The following PCCB variants were observed in gnomAD, a reference collection of about 807,000 sequenced individuals.
PCCB encodes propionyl-CoA carboxylase subunit beta, also known as propionyl-CoA carboxylase beta chain, mitochondrial.
In PCCB, 43 loss-of-function variants were observed where a neutral mutation model predicts 60.7. That is an observed-to-expected ratio of 0.71 (90% CI 0.55 to 0.91). The LOEUF is 0.91. PCCB is among the 40% of genes least tolerant of loss of function. The pLI, the probability that PCCB is intolerant of heterozygous loss-of-function variation, is 0.00. For missense variants in PCCB, 766 were observed against 702.8 expected, an observed-to-expected ratio of 1.09 and a Z score of -1.02; for synonymous variants, 276 against 255.9, an observed-to-expected ratio of 1.08 and a Z score of -0.75.
At chr3:136,317,748 TCAA>T (rs1200095316) in intron 10 of PCCB, among the ~76,000 whole-genome samples, 3 of 152,112 alleles carry the variant, frequency 2.0e-5, no homozygotes, top group Non-Finnish European at 4.4e-5. Flanking sequence ...TCCAGTGCCT[TCAA>T]CAGTGCCAGG....
rs575745156 is a variant in PCCB, at chr3:136,327,801, A to G, written c.1398+69A>G. On this transcript the variant is annotated intron_variant, in intron 13 of 14. Coordinates refer to ENST00000251654, the MANE Select transcript of PCCB (RefSeq NM_000532.5). Reference sequence around the variant, plus strand: ...CTCTACCAGCGAGAGCTCAAGGCATAGCTGGGAAATGTTGGAGAGAGGCCA... The same window carrying G: ...CTCTACCAGCGAGAGCTCAAGGCATGGCTGGGAAATGTTGGAGAGAGGCCA... 5 of 1,275,850 alleles carry G rather than the reference A, an allele frequency of 3.9e-6. No homozygotes were observed. In the East Asian group the frequency reaches 1.2e-4, roughly 29 times the overall value. 79.0% of individuals were successfully genotyped at this position (1,275,850 alleles called of 1,614,324 possible). A position where few individuals can be genotyped will look rare whatever the true frequency, so the allele number is the denominator to read the frequency against.
intron 9 of PCCB, among the ~76,000 whole-genome samples, chr3:136,314,519 G>A (rs1934803152): frequency 6.6e-6 from 1 of 152,120 alleles, no homozygotes; most frequent in Non-Finnish European, 1.5e-5. Flanking sequence ...ACCAGGTATG[G>A]TGGCATGAAC....
intron 1 of PCCB, chr3:136,255,585 T>G (rs1941650542): frequency 1.0e-5 from 5 of 482,178 alleles, no homozygotes; most frequent in South Asian, 8.3e-5. Flanking sequence ...GTTCTCCTTA[T>G]CCCCACTTCT....
chr3:136,256,686 G>A (rs1941679276), intron 3 of PCCB, 63 bp downstream of exon 3: 1 of 1,138,798 alleles, frequency 8.8e-7, no homozygotes, highest in Admixed American at 1.7e-5. Context: ...GAAAATATGT[G>A]AAAGAAGCCA....
intron 5 of PCCB, among the ~76,000 whole-genome samples, chr3:136,275,613 T>G (rs1942314705): frequency 6.6e-6 from 1 of 152,138 alleles, no homozygotes; most frequent in African/African-American, 2.4e-5. Context: ...TTTTTAAGTT[T>G]CTTTTTCCTC....
At chr3:136,281,365 C>G (rs1942470234) in intron 5 of PCCB, among the ~76,000 whole-genome samples, 1 of 151,826 alleles carries the variant, frequency 6.6e-6, no homozygotes, top group Admixed American at 6.6e-5. Context: ...GTTTCCTGAT[C>G]CTTTTTTCTG....
chr3:136,266,136 T>G (rs1421623673), intron 5 of PCCB, among the ~76,000 whole-genome samples: 1 of 149,338 alleles, frequency 6.7e-6, no homozygotes, highest in Admixed American at 6.7e-5. Context: ...CCTTGGTTTT[T>G]TTTTTTTTTT....
chr3:136,327,669 G>A lies in PCCB; in HGVS notation c.1335G>A (p.Lys445=), dbSNP rs757556772. The A allele has an allele frequency of 4.3e-6, 7 of 1,614,072 alleles. No individual in the cohort carries two copies. Among genetic ancestry groups the A allele is most frequent in the Non-Finnish European group, 5.9e-6 (7 of 1,179,974 alleles). ...YGGAYDVMSS[K]HLCGDTNYAW... ...GTGCCTATGATGTCATGAGCTCTAA[G>A]CACCTTTGTGGTGATACCAACTATG... Residue 445 remains lysine, a synonymous_variant, in exon 13 of 15, where the codon AAG becomes AAA. Coordinates refer to ENST00000251654, the MANE Select transcript of PCCB (RefSeq NM_000532.5).
At chr3:136,301,189 G>A in intron 9 of PCCB, 78 bp downstream of exon 9, 2 of 1,148,976 alleles carry the variant, frequency 1.7e-6, no homozygotes, top group Non-Finnish European at 2.6e-6. Flanking sequence ...TAGTGAGGAA[G>A]CACTGGACCA....
At chr3:136,300,113 T>G (rs1177685567) in intron 8 of PCCB, among the ~76,000 whole-genome samples, 1 of 151,644 alleles carries the variant, frequency 6.6e-6, no homozygotes, top group Non-Finnish European at 1.5e-5. Context: ...TACATGCATA[T>G]CTACACGTGT....
rs558836100 is a variant in PCCB, at chr3:136,301,089, A to G, written c.944A>G (p.Asn315Ser). ...CCTTTGGAATCAACCAAAGCCTACA[A>G]CATGGTGGACATCATACACTCTGTA... ...IVPLESTKAY[N>S]MVDIIHSVVD... The change falls in exon 9 of 15, where the codon AAC becomes AGC. Residue 315 changes from asparagine (N) to serine (S), a missense_variant. Physicochemically the swap from Asn to Ser is conservative, Grantham distance 46. Coordinates refer to ENST00000251654, the MANE Select transcript of PCCB (RefSeq NM_000532.5). The G allele has an allele frequency of 2.5e-6, 4 of 1,613,702 alleles. No homozygotes were observed. Among genetic ancestry groups the G allele is most frequent in the East Asian group, 4.5e-5 (2 of 44,878 alleles).
At chr3:136,300,521 G>C (rs1459667122) in intron 8 of PCCB, among the ~76,000 whole-genome samples, 1 of 152,268 alleles carries the variant, frequency 6.6e-6, no homozygotes, top group Non-Finnish European at 1.5e-5. Context: ...GACAGGTTCT[G>C]TGGTGATTTT....
chr3:136,312,279 G>A (rs888451241), intron 9 of PCCB, among the ~76,000 whole-genome samples: 1 of 152,204 alleles, frequency 6.6e-6, no homozygotes, highest in African/African-American at 2.4e-5. Flanking sequence ...AGGATCTGTG[G>A]TATAGTCTGT....
chr3:136,317,780 C>G (rs1219933393), intron 10 of PCCB, among the ~76,000 whole-genome samples: 2 of 152,124 alleles, frequency 1.3e-5, no homozygotes, highest in Admixed American at 1.3e-4. Context: ...TGGTACGTGA[C>G]AAGTTAATGG....
chr3:136,262,370 T>C lies in PCCB; in HGVS notation c.543+305T>C, dbSNP rs200425234. ...TTTTGAAAGCAAGGGAGAGGAAATA[T>C]GAAAAGTTAAAATGAACTGATGTGC... On this transcript the variant is annotated intron_variant, in intron 5 of 14. Coordinates refer to ENST00000251654, the MANE Select transcript of PCCB (RefSeq NM_000532.5). Among the ~76,000 whole-genome samples the C allele has an allele frequency of 1.2e-4, 19 of 152,282 alleles. No homozygotes were observed. In the East Asian group the frequency reaches 1.7e-3, roughly 14 times the overall value.
At chr3:136,283,769 T>G in intron 5 of PCCB, 68 bp from the exon 6 acceptor site, 1 of 1,113,052 alleles carries the variant, frequency 9.0e-7, no homozygotes, top group Non-Finnish European at 1.4e-6. Flanking sequence ...ATTGTTGTCT[T>G]TATCTTTCCA....
chr3:136,254,597 A>C (rs948506346), intron 1 of PCCB, among the ~76,000 whole-genome samples: 5 of 129,182 alleles, frequency 3.9e-5, no homozygotes, highest in Admixed American at 1.9e-4. Context: ...CGGTGGAGTG[A>C]TCACAGCTCA....
At chr3:136,329,285 A>C (rs188639521) in intron 14 of PCCB, among the ~76,000 whole-genome samples, 2 of 152,206 alleles carry the variant, frequency 1.3e-5, no homozygotes, top group African/African-American at 4.8e-5. Flanking sequence ...GGGGCTTGAC[A>C]GTCCAAAATG....
intron 5 of PCCB, among the ~76,000 whole-genome samples, chr3:136,279,664 T>C (rs1311868458): frequency 6.6e-6 from 1 of 152,032 alleles, no homozygotes; most frequent in Non-Finnish European, 1.5e-5. Context: ...TTTATTTTTA[T>C]TTATTTATTT....
Sources: allele counts gnomAD v4.1 joint callset (sites outside exome capture counted in the v4.1 genomes callset), GRCh38; gene constraint gnomAD v4.1.1; transcripts MANE v1.5; gene names NCBI Gene and HGNC (gene_info 2026-07-23, HGNC 2026-07-21).